Variants in VBP1 observed in about 807,000 individuals in gnomAD.
The protein encoded by VBP1 is prefoldin subunit 3.
VBP1 carries 4 observed loss-of-function variants against 15.5 expected under a neutral mutation model. That is an observed-to-expected ratio of 0.26 (90% CI 0.13 to 0.59). The LOEUF (loss-of-function observed/expected upper bound fraction) is 0.59, where lower values mean the gene tolerates loss of function less well. Among genes scored for constraint, VBP1 ranks in the 20% least tolerant of loss-of-function variants. The pLI is 0.90. For missense variants in VBP1, 108 were observed against 139.6 expected, an observed-to-expected ratio of 0.77 and a Z score of 1.14; for synonymous variants, 61 against 52.1, an observed-to-expected ratio of 1.17 and a Z score of -0.74.
chrX:155,207,368 T>G (rs1186661121), intron 1 of VBP1, among the ~76,000 whole-genome samples: 1 of 112,042 alleles, frequency 8.9e-6, no homozygotes, highest in Non-Finnish European at 1.9e-5. Context: ...CTAAAAGGAC[T>G]AGGTGCTCAG....
At chrX:155,217,113 C>T (rs1326790511) in intron 1 of VBP1, among the ~76,000 whole-genome samples, 3 of 111,887 alleles carry the variant, frequency 2.7e-5, no homozygotes, top group Admixed American at 1.9e-4. Context: ...TAAAGTCCTT[C>T]TGTGTCTTGC....
At chrX:155,229,177 C>T (rs1557310566) in intron 4 of VBP1, among the ~76,000 whole-genome samples, 1 of 111,846 alleles carries the variant, frequency 8.9e-6, no homozygotes, top group Non-Finnish European at 1.9e-5. Context: ...TCTAGATTAG[C>T]CCAAGGAGGT....
At chrX:155,207,102 G>A (rs1557308114) in intron 1 of VBP1, among the ~76,000 whole-genome samples, 1 of 111,574 alleles carries the variant, frequency 9.0e-6, no homozygotes, top group African/African-American at 3.3e-5. Flanking sequence ...CCATTTATTA[G>A]TATAACAGGG....
chrX:155,225,150 C>A (rs1220635382), intron 2 of VBP1, among the ~76,000 whole-genome samples: 1 of 111,686 alleles, frequency 9.0e-6, no homozygotes, highest in Non-Finnish European at 1.9e-5. Flanking sequence ...ATTATAATGT[C>A]TTTTCCCTGT....
upstream of VBP1, among the ~76,000 whole-genome samples, chrX:155,212,558 T>C (rs2074648427): frequency 8.9e-6 from 1 of 111,932 alleles, no homozygotes; most frequent in Non-Finnish European, 1.9e-5. Flanking sequence ...GCACTAGAAG[T>C]GAGTCTGGAG....
chrX:155,199,608 G>A (rs2074593612), intron 1 of VBP1, among the ~76,000 whole-genome samples: 1 of 111,666 alleles, frequency 9.0e-6, no homozygotes, highest in East Asian at 2.8e-4. Flanking sequence ...CCTGAAGGAA[G>A]CACTAAACAT....
upstream of VBP1, among the ~76,000 whole-genome samples, chrX:155,215,519 T>C (rs2074659314): frequency 8.9e-6 from 1 of 112,265 alleles, no homozygotes; most frequent in Admixed American, 9.4e-5. Context: ...CGATACCAAT[T>C]TCTTCCTCAT....
chrX:155,224,295 A>C (rs2074708542), intron 2 of VBP1, among the ~76,000 whole-genome samples: 1 of 112,490 alleles, frequency 8.9e-6, no homozygotes, highest in Non-Finnish European at 1.9e-5. Flanking sequence ...ACGCCACTGC[A>C]CTCCAGCCTG....
chrX:155,225,007 C>T, intron 2 of VBP1, among the ~76,000 whole-genome samples: 1 of 111,882 alleles, frequency 8.9e-6, no homozygotes, highest in African/African-American at 3.3e-5. Context: ...CTTCATATTA[C>T]CAATATCCTT....
At chrX:155,203,518 C>G (rs1481585025) in intron 1 of VBP1, among the ~76,000 whole-genome samples, 2 of 105,207 alleles carry the variant, frequency 1.9e-5, no homozygotes, top group African/African-American at 7.0e-5. Context: ...GGACAAAAAA[C>G]CAAACACCGC....
intron 4 of VBP1, among the ~76,000 whole-genome samples, chrX:155,228,987 A>G (rs2074732920): frequency 8.9e-6 from 1 of 112,294 alleles, no homozygotes; most frequent in African/African-American, 3.2e-5. Flanking sequence ...CATTGAGCTT[A>G]TCTGTGATTT....
At position 155,228,392 on chromosome X, in the gene VBP1, CA is replaced by C. The variant is rs1405332495; in HGVS notation, c.296del (p.Asn99ThrfsTer33). 8.3e-7 allele frequency: 1 copy of C among 1,202,494 alleles called. No homozygotes were observed. The highest frequency in any genetic ancestry group is 1.1e-6 in the Non-Finnish European group (1 of 891,937). On this transcript the variant is annotated frameshift_variant, in exon 4 of 6. Transcript: ENST00000286428. LOFTEE classifies it high-confidence loss of function. ...KYMQKKKEST[N>X]SMETRFLLAD... ...TTTTTTTTGTTTTGAAGGAGTCCACCAACTCAATGGAGACCAGATTCTTGCT... is the reference window on the plus strand; with the variant it reads ...TTTTTTTTGTTTTGAAGGAGTCCACCACTCAATGGAGACCAGATTCTTGCT...
intron 2 of VBP1, among the ~76,000 whole-genome samples, chrX:155,224,471 G>A (rs186952441): frequency 2.2e-3 from 242 of 112,518 alleles, no homozygotes; most frequent in Middle Eastern, 0.018. Flanking sequence ...GCGTGGTGGC[G>A]CGTGCCTGCA....
chrX:155,223,971 G>C (rs1396085167), intron 2 of VBP1, among the ~76,000 whole-genome samples: 2 of 110,347 alleles, frequency 1.8e-5, no homozygotes, highest in South Asian at 3.9e-4. Flanking sequence ...ACGGGGTGGC[G>C]GCGGGGCAGA....
At position 155,239,293 on chromosome X, in the gene VBP1, G is replaced by C. The variant is rs1557311975; in HGVS notation, c.*451G>C. 3.6e-5 allele frequency: 4 copies of C among 112,616 alleles called. No individual in the cohort carries two copies. The highest frequency in any genetic ancestry group is 5.6e-5 in the Non-Finnish European group (3 of 53,638). 9.3% of individuals were successfully genotyped at this position (112,616 alleles called of 1,213,427 possible). A position where few individuals can be genotyped will look rare whatever the true frequency, so the allele number is the denominator to read the frequency against. ...TATATTTAGGACTTAGTGGTCCTCT[G>C]TTGCTATTGTCTTCTATAAGTGGAG... On this transcript the variant is annotated 3_prime_UTR_variant, in exon 6 of 6. Coordinates refer to ENST00000286428, the MANE Select transcript of VBP1 (RefSeq NM_003372.7).
chrX:155,217,463 A>T (rs781885222), intron 1 of VBP1, among the ~76,000 whole-genome samples: 1 of 112,741 alleles, frequency 8.9e-6, no homozygotes, highest in African/African-American at 3.2e-5. Flanking sequence ...GCTACTATAA[A>T]ATCTTCATGG....
chrX:155,216,550 T>A lies in VBP1; in HGVS notation c.68T>A (p.Leu23Gln). ...ACAGGGAATGGGCGGCGGCTCCACC[T>A]GGGGATTCCTGAGGCCGTGTTTGTG... ...MATGNGRRLH[L>Q]GIPEAVFVED... The change falls in exon 1 of 6, where the codon CTG (leucine) becomes CAG (glutamine). Residue 23 changes from leucine to glutamine, a missense_variant. Physicochemically the swap from Leu to Gln is moderately radical, Grantham distance 113. Coordinates refer to ENST00000286428, the MANE Select transcript of VBP1 (RefSeq NM_003372.7). The A allele has an allele frequency of 8.5e-7, 1 of 1,169,680 alleles. No homozygotes were observed. The highest frequency in any genetic ancestry group is 3.2e-5 in the East Asian group (1 of 30,967).
chrX:155,231,233 T>A (rs1285726807), intron 4 of VBP1, among the ~76,000 whole-genome samples: 1 of 112,033 alleles, frequency 8.9e-6, no homozygotes, highest in Non-Finnish European at 1.9e-5. Context: ...AGCACTCATT[T>A]ATGCTCATTC....
intron 2 of VBP1, 48 bp from the exon 3 acceptor site, chrX:155,227,183 GTTGT>G: frequency 5.5e-6 from 6 of 1,084,468 alleles, no homozygotes; most frequent in Non-Finnish European, 5.1e-6. Context: ...ACCGTGTCCT[GTTGT>G]TTATTTTTGC....
Sources: gnomAD v4.1 joint callset for allele counts (sites outside exome capture counted in the v4.1 genomes callset) on GRCh38, gnomAD v4.1.1 for gene constraint, MANE v1.5 for transcripts, NCBI Gene and HGNC (gene_info 2026-07-23, HGNC 2026-07-21) for gene names.